Variants in NOS1AP observed in about 807,000 individuals in gnomAD.
NOS1AP encodes the protein nitric oxide synthase 1 adaptor protein.
A neutral mutation model predicts 56.2 loss-of-function variants in NOS1AP; 21 were observed. The observed-to-expected ratio is 0.37, with a 90% CI of 0.26 to 0.54. The LOEUF (loss-of-function observed/expected upper bound fraction) is 0.54. Among genes scored for constraint, NOS1AP ranks in the 20% least tolerant of loss-of-function variants. The pLI, the probability that NOS1AP is intolerant of heterozygous loss-of-function variation, is 0.84. For missense variants in NOS1AP, 522 were observed against 657.8 expected, an observed-to-expected ratio of 0.79 and a Z score of 2.26; for synonymous variants, 270 against 274.6, an observed-to-expected ratio of 0.98 and a Z score of 0.17.
intron 9 of NOS1AP, among the ~76,000 whole-genome samples, chr1:162,366,143 C>T (rs897225018): frequency 3.3e-5 from 5 of 152,228 alleles, no homozygotes; most frequent in African/African-American, 1.2e-4. Flanking sequence ...TCTCTACACT[C>T]AGTACCCCTG....
rs1400068081 is a variant in NOS1AP, at chr1:162,367,021, G to A, written c.1106-31G>A. On this transcript the variant is annotated intron_variant, in intron 9 of 9. Transcript: ENST00000361897. This position sits in a 1 kb window ranked among gnomAD's most constrained non-coding sequence, Gnocchi z 6.5. Reference sequence around the variant, plus strand: ...CAAATCAACAACCTTGCCTAACGCTGCCCCTCTGCTACCTCTTGTCTCCCC... The same window carrying A: ...CAAATCAACAACCTTGCCTAACGCTACCCCTCTGCTACCTCTTGTCTCCCC... 1.7e-5 allele frequency: 27 copies of A among 1,613,228 alleles called. No individual in the cohort carries two copies. Among genetic ancestry groups the A allele is most frequent in the Non-Finnish European group, 2.2e-5 (26 of 1,179,846 alleles).
intron 1 of NOS1AP, among the ~76,000 whole-genome samples, chr1:162,145,307 G>A (rs1339651247): frequency 1.3e-5 from 2 of 152,272 alleles, no homozygotes; most frequent in Admixed American, 6.5e-5. Flanking sequence ...GCAGTTGAGA[G>A]CAAGGATGCT....
At chr1:162,320,522 C>A (rs183043861) in intron 4 of NOS1AP, among the ~76,000 whole-genome samples, 146 of 152,282 alleles carry the variant, frequency 9.6e-4, no homozygotes, top group African/African-American at 3.4e-3. Context: ...TTCCAACCAC[C>A]CCCTCCCCAC....
chr1:162,208,071 C>A (rs564039577), intron 2 of NOS1AP, among the ~76,000 whole-genome samples: 1 of 152,094 alleles, frequency 6.6e-6, no homozygotes, highest in Non-Finnish European at 1.5e-5. Context: ...GGCTATGATG[C>A]GGGAGGACCA....
intron 1 of NOS1AP, among the ~76,000 whole-genome samples, chr1:162,110,098 C>T (rs903842374): frequency 6.6e-5 from 10 of 152,106 alleles, no homozygotes; most frequent in Non-Finnish European, 7.3e-5. Flanking sequence ...AGCTGGGATT[C>T]GAACCTGGGT....
At chr1:162,314,104 T>C (rs1245157237) in intron 4 of NOS1AP, among the ~76,000 whole-genome samples, 1 of 152,232 alleles carries the variant, frequency 6.6e-6, no homozygotes, top group East Asian at 1.9e-4. Context: ...TCAAAAAGGC[T>C]ACTAAGCTGA....
At chr1:162,299,071 T>C (rs1018043628) in intron 3 of NOS1AP, among the ~76,000 whole-genome samples, 1 of 152,222 alleles carries the variant, frequency 6.6e-6, no homozygotes, top group Admixed American at 6.5e-5. Context: ...ATTTTGCTGT[T>C]TGAAGGACTA....
intron 2 of NOS1AP, among the ~76,000 whole-genome samples, chr1:162,240,955 G>A (rs1653471870): frequency 6.6e-6 from 1 of 152,044 alleles, no homozygotes; most frequent in Non-Finnish European, 1.5e-5. Context: ...GCAGTTATGT[G>A]GGGTGTGGCT....
At chr1:162,073,963 C>T (rs1418903686) in intron 1 of NOS1AP, among the ~76,000 whole-genome samples, 2 of 152,152 alleles carry the variant, frequency 1.3e-5, no homozygotes, top group African/African-American at 4.8e-5. Flanking sequence ...TGGCCAGTGC[C>T]ATCAACTGAC....
chr1:162,149,606 C>T (rs1204439959), intron 1 of NOS1AP, among the ~76,000 whole-genome samples: 1 of 152,206 alleles, frequency 6.6e-6, no homozygotes, highest in East Asian at 1.9e-4. Flanking sequence ...CTTTCTGACC[C>T]TTTGCTTCCC....
At chr1:162,251,046 G>A (rs971827250) in intron 2 of NOS1AP, among the ~76,000 whole-genome samples, 1 of 149,680 alleles carries the variant, frequency 6.7e-6, no homozygotes, top group Non-Finnish European at 1.5e-5. Context: ...ATTACCTGCT[G>A]TGCCCTCTGT....
chr1:162,173,435 C>T (rs995890205), intron 2 of NOS1AP, among the ~76,000 whole-genome samples: 50 of 152,280 alleles, frequency 3.3e-4, no homozygotes, highest in Non-Finnish European at 6.3e-4. Flanking sequence ...GGATTAAAGA[C>T]TTACATGTTA....
At chr1:162,075,233 TCA>T (rs1398143771) in intron 1 of NOS1AP, among the ~76,000 whole-genome samples, 1 of 152,170 alleles carries the variant, frequency 6.6e-6, no homozygotes, top group Non-Finnish European at 1.5e-5. Context: ...ACAAACATAG[TCA>T]CAATGAAAAA....
At chr1:162,151,773 G>A (rs1316180993) in intron 1 of NOS1AP, among the ~76,000 whole-genome samples, 1 of 152,062 alleles carries the variant, frequency 6.6e-6, no homozygotes, top group African/African-American at 2.4e-5. Flanking sequence ...TGAGAAGGAA[G>A]GAAGGAAGAA....
chr1:162,365,081 C>CGT (rs112157315), intron 8 of NOS1AP: 12 of 1,317,502 alleles, frequency 9.1e-6, no homozygotes, highest in Non-Finnish European at 1.1e-5. Flanking sequence ...TATATGTGCA[C>CGT]GTGTGTGTGT....
chr1:162,295,853 T>C (rs896013155), intron 3 of NOS1AP, among the ~76,000 whole-genome samples: 1 of 152,182 alleles, frequency 6.6e-6, no homozygotes, highest in Admixed American at 6.5e-5. Context: ...GCTGGGCGGC[T>C]AACAAGGAGT....
At chr1:162,341,170 A>G (rs1009187208) in intron 5 of NOS1AP, among the ~76,000 whole-genome samples, 1 of 152,216 alleles carries the variant, frequency 6.6e-6, no homozygotes, top group Non-Finnish European at 1.5e-5. Context: ...CATTTGTTTG[A>G]GGATCTTTAA....
chr1:162,263,721 TA>T (rs1358474342), intron 2 of NOS1AP, among the ~76,000 whole-genome samples: 2 of 152,206 alleles, frequency 1.3e-5, no homozygotes, highest in African/African-American at 4.8e-5. Context: ...GACCAAATTC[TA>T]ATTATATGCC....
At chr1:162,261,855 A>G (rs1414222882) in intron 2 of NOS1AP, among the ~76,000 whole-genome samples, 1 of 152,214 alleles carries the variant, frequency 6.6e-6, no homozygotes, top group Non-Finnish European at 1.5e-5. Context: ...ATCGGTAAAC[A>G]GATGATTGTA....
Sources: gnomAD v4.1 joint callset for allele counts (sites outside exome capture counted in the v4.1 genomes callset) on GRCh38, gnomAD v4.1.1 for gene constraint, Gnocchi (gnomAD v3.1) non-coding constraint, MANE v1.5 for transcripts, NCBI Gene and HGNC (gene_info 2026-07-23, HGNC 2026-07-21) for gene names.